The following WNK3 variants were observed in gnomAD, a reference collection of about 807,000 sequenced individuals.
The protein encoded by WNK3 is serine/threonine-protein kinase WNK3.
In WNK3, 18 loss-of-function variants were observed where a neutral mutation model predicts 116.7. The observed-to-expected ratio is 0.15, with a 90% confidence interval of 0.11 to 0.23. WNK3 has a LOEUF of 0.23. WNK3 is among the 10% of genes least tolerant of loss of function. The pLI, the probability that WNK3 is intolerant of heterozygous loss-of-function variation, is 1.00. For synonymous variants in WNK3, 404 were observed against 469.4 expected (o/e 0.86, Z 1.80); for missense variants, 993 against 1,323.8 (o/e 0.75, Z 3.88).
intron 7 of WNK3, 29 bp from the exon 8 acceptor site, chrX:54,294,876 C>T: frequency 9.0e-7 from 1 of 1,107,611 alleles, no homozygotes; most frequent in Non-Finnish European, 1.2e-6. Context: ...AAGCAAACTA[C>T]TTCTTTAACA....
intron 2 of WNK3, among the ~76,000 whole-genome samples, chrX:54,314,685 C>T (rs1217930057): frequency 9.0e-6 from 1 of 110,641 alleles, no homozygotes; most frequent in African/African-American, 3.3e-5. Context: ...TGGAGGATCG[C>T]TTGAACCCGG....
chrX:54,207,802 C>T (rs1385761189), intron 22 of WNK3, among the ~76,000 whole-genome samples: 1 of 111,127 alleles, frequency 9.0e-6, no homozygotes, highest in Non-Finnish European at 1.9e-5. Context: ...GCGTGAGCCA[C>T]TGCACACCTG....
exon 24 of WNK3, chrX:54,196,484 A>G (rs1221085275): frequency 9.3e-6 from 1 of 107,220 alleles, no homozygotes; most frequent in Non-Finnish European, 1.9e-5. Context: ...TACACCCATT[A>G]AGTTTTCGTC....
chrX:54,259,330 G>A, exon 11 of WNK3: 1 of 1,187,702 alleles, frequency 8.4e-7, no homozygotes, highest in Non-Finnish European at 1.1e-6. Flanking sequence ...CAACTGGTTG[G>A]GATACAGGCT....
chrX:54,354,077 C>T (rs2069557525), intron 1 of WNK3, among the ~76,000 whole-genome samples: 1 of 106,539 alleles, frequency 9.4e-6, no homozygotes, highest in South Asian at 4.2e-4. Flanking sequence ...CAGAGCAAAA[C>T]TCTGTCTCAA....
chrX:54,244,885 G>A (rs1219312735), intron 17 of WNK3, among the ~76,000 whole-genome samples: 2 of 111,239 alleles, frequency 1.8e-5, no homozygotes, highest in Non-Finnish European at 3.8e-5. Context: ...ACAGACCACA[G>A]ACTGTATCTG....
exon 24 of WNK3, chrX:54,198,512 C>A (rs782629234): frequency 2.5e-6 from 3 of 1,204,205 alleles, no homozygotes; most frequent in Non-Finnish European, 2.2e-6. Flanking sequence ...TACTGACAAA[C>A]GTGAGGCATT....
chrX:54,280,075 G>A (rs1265436126), intron 10 of WNK3, among the ~76,000 whole-genome samples: 5 of 112,154 alleles, frequency 4.5e-5, no homozygotes, highest in Admixed American at 9.5e-5. Flanking sequence ...GAGGCGGGTG[G>A]ATCAGGAGGT....
intron 10 of WNK3, among the ~76,000 whole-genome samples, chrX:54,274,393 C>T (rs781822738): frequency 6.3e-5 from 7 of 111,439 alleles, no homozygotes; most frequent in African/African-American, 2.3e-4. Flanking sequence ...TAACATCCAC[C>T]CACCTAAATA....
chrX:54,289,148 C>T (rs1291796533), intron 10 of WNK3, among the ~76,000 whole-genome samples: 2 of 111,127 alleles, frequency 1.8e-5, no homozygotes, highest in African/African-American at 6.5e-5. Context: ...GCAGACTGCA[C>T]GTGAGTCTTT....
intron 22 of WNK3, among the ~76,000 whole-genome samples, chrX:54,225,620 C>CAAA (rs781823865): frequency 2.0e-5 from 1 of 50,916 alleles, no homozygotes; most frequent in Non-Finnish European, 4.2e-5. Flanking sequence ...GACTCTGTTT[C>CAAA]AAAAAAAAAA....
At chrX:54,339,134 T>G (rs1352732479) in intron 1 of WNK3, among the ~76,000 whole-genome samples, 2 of 111,283 alleles carry the variant, frequency 1.8e-5, no homozygotes, top group Admixed American at 9.7e-5. Context: ...GGATAAAAGT[T>G]AATTCATCAA....
intron 18 of WNK3, 137 bp downstream of exon 18, chrX:54,238,731 G>T: frequency 1.8e-6 from 1 of 541,749 alleles, no homozygotes; most frequent in Non-Finnish European, 2.8e-6. Context: ...AAATAAAATG[G>T]CAATGACATT....
At chrX:54,267,552 G>T (rs1016853480) in intron 10 of WNK3, among the ~76,000 whole-genome samples, 7 of 110,783 alleles carry the variant, frequency 6.3e-5, no homozygotes, top group Admixed American at 3.8e-4. Context: ...TTGGGAGGCC[G>T]AGGTGGGGGG....
intron 7 of WNK3, among the ~76,000 whole-genome samples, chrX:54,295,878 G>C (rs2068693597): frequency 9.1e-6 from 1 of 110,412 alleles, no homozygotes; most frequent in African/African-American, 3.3e-5. Context: ...GTAGAGATGG[G>C]GTCTCCCTAT....
chrX:54,299,012 TATACATATAACAG>T (rs782761045), intron 6 of WNK3, among the ~76,000 whole-genome samples: 29 of 112,002 alleles, frequency 2.6e-4, no homozygotes, highest in African/African-American at 9.4e-4. Context: ...TAGACCAGAG[TATACATATAACAG>T]ATACAACCCT....
intron 22 of WNK3, among the ~76,000 whole-genome samples, chrX:54,227,203 AT>A (rs781901495): frequency 5.4e-5 from 6 of 110,355 alleles, no homozygotes; most frequent in South Asian, 7.7e-4. Context: ...TGTCTTAAAA[AT>A]TTTTTTTTCT....
intron 22 of WNK3, among the ~76,000 whole-genome samples, chrX:54,202,928 A>G (rs1255984304): frequency 9.0e-6 from 1 of 111,179 alleles, no homozygotes; most frequent in Non-Finnish European, 1.9e-5. Flanking sequence ...GAATAAGTAA[A>G]CTGACATGCC....
chrX:54,240,229 G>A (rs1210179351), intron 17 of WNK3, among the ~76,000 whole-genome samples: 3 of 109,747 alleles, frequency 2.7e-5, no homozygotes, highest in South Asian at 4.0e-4. Context: ...GCTAGAACCC[G>A]GAGGCGGAGG....
Sources: allele counts gnomAD v4.1 joint callset (sites outside exome capture counted in the v4.1 genomes callset), GRCh38; gene constraint gnomAD v4.1.1; transcripts MANE v1.5; gene names NCBI Gene and HGNC (gene_info 2026-07-23, HGNC 2026-07-21).